XPO7: variants seen among roughly 807,000 people sequenced by gnomAD.
XPO7 encodes exportin-7.
In XPO7, 21 loss-of-function variants were observed where a neutral mutation model predicts 144.3. The observed-to-expected ratio is 0.15, with a 90% CI of 0.10 to 0.21. The LOEUF is 0.21. XPO7 is among the 10% of genes least tolerant of loss of function. The pLI, the probability that XPO7 is intolerant of heterozygous loss-of-function variation, is 1.00. For missense variants in XPO7, 808 were observed against 1,325.8 expected (o/e 0.61, Z 6.06); for synonymous variants, 580 against 499.6 (o/e 1.16, Z -2.15).
intron 13 of XPO7, 102 bp downstream of exon 13, chr8:21,985,793 C>A: frequency 1.0e-6 from 1 of 985,726 alleles, no homozygotes; most frequent in Non-Finnish European, 1.6e-6. Context: ...AACATGCTAA[C>A]TGCCCATGAG....
At chr8:21,976,855 A>C (rs2002941) in intron 7 of XPO7, among the ~76,000 whole-genome samples, 87,816 of 151,928 alleles carry the variant, frequency 0.58, 26,170 homozygotes, top group African/African-American at 0.73. Flanking sequence ...AGTGGGGTCT[A>C]ACAATGTTGC....
chr8:21,956,645 CTTT>C (rs35589404), intron 1 of XPO7, among the ~76,000 whole-genome samples: 6 of 151,720 alleles, frequency 4.0e-5, no homozygotes, highest in East Asian at 3.9e-4. Context: ...GAGATTTTAA[CTTT>C]TATTTTCCCA....
chr8:21,960,402 C>T (rs1484794445), intron 1 of XPO7, among the ~76,000 whole-genome samples: 1 of 152,194 alleles, frequency 6.6e-6, no homozygotes, highest in Non-Finnish European at 1.5e-5. Flanking sequence ...CTGGTGAGCA[C>T]TTAAGAGAAT....
At chr8:21,933,601 C>G in intron 1 of XPO7, among the ~76,000 whole-genome samples, 1 of 152,254 alleles carries the variant, frequency 6.6e-6, no homozygotes, top group Admixed American at 6.5e-5. Flanking sequence ...TCTATTAACA[C>G]TGTAACATTT....
At chr8:22,003,380 C>A in intron 26 of XPO7, 63 bp downstream of exon 26, 1 of 1,326,992 alleles carries the variant, frequency 7.5e-7, no homozygotes, top group Non-Finnish European at 1.1e-6. Flanking sequence ...TTGGTATCAC[C>A]AAGCCCTGGG....
intron 1 of XPO7, among the ~76,000 whole-genome samples, chr8:21,955,983 T>C (rs1159040598): frequency 6.6e-6 from 1 of 152,098 alleles, no homozygotes; most frequent in Non-Finnish European, 1.5e-5. Flanking sequence ...CGCCTCAGCC[T>C]CCCAAAGTGC....
chr8:21,968,798 TC>T (rs1412450336), intron 2 of XPO7, among the ~76,000 whole-genome samples: 3 of 152,250 alleles, frequency 2.0e-5, no homozygotes, highest in African/African-American at 7.2e-5. Context: ...GAGGAATTCT[TC>T]CTTAGGCATT....
intron 26 of XPO7, 23 bp downstream of exon 26, chr8:22,003,340 G>A (rs1412082014): frequency 6.3e-7 from 1 of 1,586,202 alleles, no homozygotes; most frequent in Admixed American, 1.8e-5. Flanking sequence ...GCTCCCTGGT[G>A]CCAACCCAGA....
At chr8:21,947,519 C>A (rs1811231090) in intron 1 of XPO7, among the ~76,000 whole-genome samples, 1 of 152,072 alleles carries the variant, frequency 6.6e-6, no homozygotes, top group Admixed American at 6.6e-5. Flanking sequence ...CTTACTAATA[C>A]CATCACCACT....
intron 12 of XPO7, 65 bp downstream of exon 12, chr8:21,984,904 C>G (rs1812529654): frequency 6.5e-7 from 1 of 1,530,708 alleles, no homozygotes. Context: ...CCCCTTCGCT[C>G]ATTGCCACCT....
intron 1 of XPO7, among the ~76,000 whole-genome samples, chr8:21,923,308 A>G (rs528818156): frequency 1.3e-5 from 2 of 152,304 alleles, no homozygotes; most frequent in East Asian, 3.9e-4. Context: ...AGGAGCACAC[A>G]CGTAGATACA....
rs1396172240 is a variant in XPO7 at position 21,984,851 on chromosome 8, G to A, written c.1471+12G>A. 6.2e-7 allele frequency: 1 copy of A among 1,613,028 alleles called. No individual in the cohort carries two copies. Among genetic ancestry groups the A allele is most frequent in the African/African-American group, 1.3e-5 (1 of 75,062 alleles). On this transcript the variant is annotated intron_variant, in intron 12 of 27. Transcript: ENST00000252512. ...TGCAGTGCAGGAGGGTGAGTGTGCA[G>A]CGTGCTGGGAACTCTAGACCTGTGA...
At chr8:21,988,870 G>T in intron 15 of XPO7, 133 bp from the exon 16 acceptor site, 1 of 706,586 alleles carries the variant, frequency 1.4e-6, no homozygotes, top group Non-Finnish European at 2.3e-6. Flanking sequence ...TTTTTTTGTG[G>T]TCGTGATGTC....
At chr8:21,964,565 C>G (rs1811823116) in intron 1 of XPO7, among the ~76,000 whole-genome samples, 3 of 151,810 alleles carry the variant, frequency 2.0e-5, no homozygotes, top group Non-Finnish European at 4.4e-5. Flanking sequence ...GATGTTTCCA[C>G]TAATTGTTTA....
chr8:21,970,104 A>C (rs372060127), intron 3 of XPO7, 40 bp from the exon 4 acceptor site: 2 of 1,590,332 alleles, frequency 1.3e-6, no homozygotes, highest in South Asian at 1.2e-5. Context: ...AGAGCTTTCT[A>C]TTATGTGGAT....
Position 22,006,351 on chromosome 8 carries a change from G to A in XPO7, c.*1263G>A, listed in dbSNP as rs1302352127. On this transcript the variant is annotated 3_prime_UTR_variant, in exon 28 of 28. Transcript: ENST00000252512. Reference sequence around the variant, plus strand: ...ACTTTTTCCACAATTGTTGCTGCTAGTTGTACACATCTCTAGTTCAGCTCT... The same window carrying A: ...ACTTTTTCCACAATTGTTGCTGCTAATTGTACACATCTCTAGTTCAGCTCT... The A allele has an allele frequency of 1.3e-5, 2 of 152,110 alleles. No homozygotes were observed. Among genetic ancestry groups the A allele is most frequent in the African/African-American group, 4.8e-5 (2 of 41,414 alleles). 9.4% of individuals were successfully genotyped at this position (152,110 alleles called of 1,614,324 possible).
intron 1 of XPO7, among the ~76,000 whole-genome samples, chr8:21,931,297 G>A (rs1201299020): frequency 6.6e-6 from 1 of 152,044 alleles, no homozygotes; most frequent in South Asian, 2.1e-4. Context: ...CAAGTAGCTG[G>A]GACTGCAAGC....
At position 21,980,143 on chromosome 8, in the gene XPO7, G is replaced by C; in HGVS notation, c.897G>C (p.Glu299Asp). 1 of 1,606,116 alleles carries C rather than the reference G, an allele frequency of 6.2e-7. No homozygotes were observed. Among genetic ancestry groups the C allele is most frequent in the Non-Finnish European group, 8.5e-7 (1 of 1,175,950 alleles). ...SVRRSLFNNA[E>D]RAKFLSHLVD... ...GAAGATCCCTGTTTAACAATGCAGA[G>C]AGGGCCAAGTTTCTCTCTCATCTTG... Residue 299 changes from glutamate (E) to aspartate (D), a missense_variant, in exon 9 of 28, where the codon GAG (glutamate) becomes GAC (aspartate). Glu to Asp is a conservative substitution (Grantham distance 45). This residue lies in a region of XPO7 where 223 missense variants were observed against 368.8 expected (regional missense o/e 0.60). Coordinates refer to ENST00000252512, the MANE Select transcript of XPO7 (RefSeq NM_015024.5).
intron 1 of XPO7, among the ~76,000 whole-genome samples, chr8:21,932,856 T>C (rs1810698116): frequency 6.6e-6 from 1 of 152,154 alleles, no homozygotes; most frequent in African/African-American, 2.4e-5. Flanking sequence ...GTAAATAACA[T>C]ACAGAATGGG....
Sources: gnomAD v4.1 joint callset for allele counts (sites outside exome capture counted in the v4.1 genomes callset) on GRCh38, gnomAD v4.1.1 for gene constraint, gnomAD v4.1.1 regional missense constraint, MANE v1.5 for transcripts, NCBI Gene and HGNC (gene_info 2026-07-23, HGNC 2026-07-21) for gene names.